Variants in GRIK1 observed in about 807,000 individuals in gnomAD.
GRIK1 encodes the protein glutamate ionotropic receptor kainate type subunit 1, also known as glutamate receptor ionotropic, kainate 1.
In GRIK1, 69 loss-of-function variants were observed where a neutral mutation model predicts 105.7. The ratio of observed to expected loss-of-function variants is 0.65; its 90% CI spans 0.54 to 0.80. GRIK1 has a LOEUF of 0.80. GRIK1 is among the 30% of genes least tolerant of loss of function. The pLI, the probability that GRIK1 is intolerant of heterozygous loss-of-function variation, is 0.00. For missense variants in GRIK1, 1,109 were observed against 1,167.3 expected, an observed-to-expected ratio of 0.95 and a Z score of 0.73; for synonymous variants, 438 against 431.3, an observed-to-expected ratio of 1.02 and a Z score of -0.19.
At chr21:29,641,844 G>A (rs934682717) in intron 7 of GRIK1, among the ~76,000 whole-genome samples, 1 of 152,162 alleles carries the variant, frequency 6.6e-6, no homozygotes, top group African/African-American at 2.4e-5. Flanking sequence ...CTGAGAGAGG[G>A]TGTGCAGGCA....
intron 1 of GRIK1, among the ~76,000 whole-genome samples, chr21:29,884,078 C>A (rs563524973): frequency 8.6e-5 from 13 of 152,036 alleles, no homozygotes; most frequent in South Asian, 2.1e-4. Flanking sequence ...TACAGGGAAA[C>A]ACATTGTCTA....
At chr21:29,581,232 A>G (rs965656369) in intron 13 of GRIK1, among the ~76,000 whole-genome samples, 193 bp downstream of exon 13, 3 of 152,156 alleles carry the variant, frequency 2.0e-5, no homozygotes, top group African/African-American at 7.2e-5. Context: ...TTTTAGATAT[A>G]TAGCAAGGGA....
chr21:29,855,013 G>A (rs893429776), intron 1 of GRIK1, among the ~76,000 whole-genome samples: 3 of 152,184 alleles, frequency 2.0e-5, no homozygotes, highest in African/African-American at 7.2e-5. Context: ...ATTAGCTGGA[G>A]AACTAAGTCA....
chr21:29,800,846 AG>A (rs1221835116), intron 1 of GRIK1, among the ~76,000 whole-genome samples: 4 of 152,164 alleles, frequency 2.6e-5, no homozygotes, highest in Non-Finnish European at 5.9e-5. Context: ...CGGAGGAGGG[AG>A]AAAGAGGATC....
chr21:29,916,525 C>T (rs1181766025), intron 1 of GRIK1, among the ~76,000 whole-genome samples: 1 of 151,772 alleles, frequency 6.6e-6, no homozygotes, highest in Non-Finnish European at 1.5e-5. Flanking sequence ...TTCTAAATTT[C>T]CATCCATACA....
chr21:29,845,541 T>C (rs1473167804), intron 1 of GRIK1, among the ~76,000 whole-genome samples: 1 of 152,180 alleles, frequency 6.6e-6, no homozygotes, highest in Non-Finnish European at 1.5e-5. Context: ...CCCTTCCTTG[T>C]TTTTTTCTTA....
intron 4 of GRIK1, among the ~76,000 whole-genome samples, chr21:29,664,406 T>C (rs1267674509): frequency 1.3e-5 from 2 of 152,224 alleles, no homozygotes; most frequent in Non-Finnish European, 2.9e-5. Flanking sequence ...CTGAGCTTAA[T>C]GCCTTATATT....
chr21:29,756,770 AT>A (rs924978424), intron 1 of GRIK1, among the ~76,000 whole-genome samples: 26 of 152,334 alleles, frequency 1.7e-4, no homozygotes, highest in African/African-American at 4.1e-4. Context: ...AATAAAAAAA[AT>A]AAACTAGAAA....
intron 7 of GRIK1, among the ~76,000 whole-genome samples, chr21:29,634,308 CA>C (rs1205922201): frequency 6.6e-6 from 1 of 152,190 alleles, no homozygotes; most frequent in Non-Finnish European, 1.5e-5. Context: ...CCATAAATTA[CA>C]TTTTTCATAG....
Position 29,848,747 on chromosome 21 carries a change from T to TTGTG in GRIK1, c.118+90632_118+90635dup, listed in dbSNP as rs143185091. ...CTTTGGGTTCCTTAAATAGACCAAGTTGTGTGTGTATATATATATATATAT... is the reference window on the plus strand; with the variant it reads ...CTTTGGGTTCCTTAAATAGACCAAGTTGTGTGTGTGTGTATATATATATATATAT... On this transcript the variant is annotated intron_variant, in intron 1 of 17. Transcript: ENST00000327783. Among the ~76,000 whole-genome samples, 406 of 78,456 alleles carry TTGTG rather than the reference T, an allele frequency of 5.2e-3. 2 individuals are homozygous for TTGTG. Among genetic ancestry groups the TTGTG allele is most frequent in the East Asian group, 0.015 (36 of 2,462 alleles). The allele number at this position is 78,456 out of a possible 152,430, so 51.5% of individuals were successfully genotyped here.
chr21:29,656,323 TGCACTCCAGCCTG>T (rs886537614), intron 4 of GRIK1, among the ~76,000 whole-genome samples: 5 of 117,526 alleles, frequency 4.3e-5, no homozygotes, highest in African/African-American at 1.6e-4. Flanking sequence ...ATCGCGCCAC[TGCACTCCAGCCTG>T]GGGGCCAGAG....
intron 1 of GRIK1, among the ~76,000 whole-genome samples, chr21:29,782,148 G>C: frequency 6.7e-6 from 1 of 148,180 alleles, no homozygotes. Flanking sequence ...GTGCAGTGGC[G>C]CGATCTCGGC....
At position 29,737,555 on chromosome 21, in the gene GRIK1, C is replaced by T. The variant is rs576574193; in HGVS notation, c.119-43492G>A. Among the ~76,000 whole-genome samples the T allele has an allele frequency of 3.9e-5, 6 of 152,324 alleles. No individual in the cohort carries two copies. In the South Asian group the frequency reaches 1.0e-3, roughly 26 times the overall value. On this transcript the variant is annotated intron_variant, in intron 1 of 17. Transcript: ENST00000327783. ...GCACATCAGTTAGAGCCTTCTTTTC[C>T]CACATCCATATCCAAACCTTGGGAA...
intron 16 of GRIK1, among the ~76,000 whole-genome samples, chr21:29,545,917 A>G (rs1460127991): frequency 6.6e-6 from 1 of 152,212 alleles, no homozygotes; most frequent in African/African-American, 2.4e-5. Flanking sequence ...CTTTTGGTTT[A>G]AAATGCTTTC....
chr21:29,761,615 A>AT (rs2065523000), intron 1 of GRIK1, among the ~76,000 whole-genome samples: 1 of 152,208 alleles, frequency 6.6e-6, no homozygotes, highest in African/African-American at 2.4e-5. Context: ...TGTGTGTGAA[A>AT]TTCAATTAAG....
chr21:29,878,867 C>A (rs1018802109), intron 1 of GRIK1, among the ~76,000 whole-genome samples: 2 of 151,514 alleles, frequency 1.3e-5, no homozygotes, highest in African/African-American at 4.9e-5. Context: ...TATAAGTCAC[C>A]GATTTTTATG....
chr21:29,832,545 T>C (rs1473454226), intron 1 of GRIK1, among the ~76,000 whole-genome samples: 1 of 152,158 alleles, frequency 6.6e-6, no homozygotes, highest in Non-Finnish European at 1.5e-5. Context: ...TAACAGCACA[T>C]GGAAGCCATC....
chr21:29,700,518 G>A lies in GRIK1; in HGVS notation c.119-6455C>T, dbSNP rs572472679. Among the ~76,000 whole-genome samples, 3 of 152,268 alleles carry A rather than the reference G, an allele frequency of 2.0e-5. No homozygotes were observed. The South Asian group carries it at 6.2e-4, about 32-fold the overall frequency. On this transcript the variant is annotated intron_variant, in intron 1 of 17. Coordinates refer to ENST00000327783, the MANE Select transcript of GRIK1 (RefSeq NM_001330994.2). ...CTTTCCCTTAATCCCACATTATATG[G>A]AGAGAATCAGAATGTCAAAGGGGTG... is the stretch of plus-strand genomic sequence containing the variant.
intron 1 of GRIK1, among the ~76,000 whole-genome samples, chr21:29,835,850 A>G (rs752418388): frequency 1.5e-4 from 23 of 152,216 alleles, no homozygotes; most frequent in Non-Finnish European, 2.8e-4. Flanking sequence ...GTCCAGAGCT[A>G]GCAATTGCTT....
Sources: allele counts gnomAD v4.1 joint callset (sites outside exome capture counted in the v4.1 genomes callset), GRCh38; gene constraint gnomAD v4.1.1; transcripts MANE v1.5; gene names NCBI Gene and HGNC (gene_info 2026-07-23, HGNC 2026-07-21).